ECT2L: variants seen among roughly 807,000 people sequenced by gnomAD.
ECT2L encodes the protein epithelial cell transforming 2 like.
ECT2L carries 126 observed loss-of-function variants against 122.8 expected under a neutral mutation model. The observed-to-expected ratio is 1.03, with a 90% CI of 0.89 to 1.19. ECT2L has a LOEUF of 1.19. Ranked by LOEUF, ECT2L falls within the 50% of genes most tolerant of loss-of-function variation. The pLI is 0.00. For missense variants in ECT2L, 1,012 were observed against 1,064.1 expected, an observed-to-expected ratio of 0.95 and a Z score of 0.68; for synonymous variants, 385 against 381.8, an observed-to-expected ratio of 1.01 and a Z score of -0.10.
At chr6:138,861,402 CTTT>C (rs1477801433) in intron 10 of ECT2L, among the ~76,000 whole-genome samples, 1 of 152,164 alleles carries the variant, frequency 6.6e-6, no homozygotes, top group East Asian at 1.9e-4. Context: ...TGTTTCCTGA[CTTT>C]TTAATAAATC....
At chr6:138,826,249 C>G (rs1776446957) in intron 4 of ECT2L, among the ~76,000 whole-genome samples, 1 of 152,164 alleles carries the variant, frequency 6.6e-6, no homozygotes, top group Non-Finnish European at 1.5e-5. Flanking sequence ...TTCCAAAATC[C>G]TAGTCTGAAT....
chr6:138,864,548 A>G (rs1161177873), intron 11 of ECT2L, among the ~76,000 whole-genome samples: 3 of 152,234 alleles, frequency 2.0e-5, no homozygotes, highest in Non-Finnish European at 4.4e-5. Context: ...TTTAAGAAAG[A>G]TAAGGATTTG....
chr6:138,883,945 C>T (rs1778724249), intron 16 of ECT2L, among the ~76,000 whole-genome samples: 3 of 152,176 alleles, frequency 2.0e-5, no homozygotes, highest in Admixed American at 2.0e-4. Flanking sequence ...TCACTGCAGC[C>T]TCGACTTCCC....
chr6:138,878,857 A>T (rs1251281305), intron 14 of ECT2L: 1 of 152,426 alleles, frequency 6.6e-6, no homozygotes, highest in Non-Finnish European at 1.5e-5. Flanking sequence ...TAATTTTTTT[A>T]AAAATGCTTG....
chr6:138,887,884 G>T (rs577821686), intron 19 of ECT2L, among the ~76,000 whole-genome samples: 1 of 152,282 alleles, frequency 6.6e-6, no homozygotes, highest in South Asian at 2.1e-4. Flanking sequence ...ATTTCCAGCT[G>T]TCAGCGGCTT....
At position 138,882,876 on chromosome 6, in the gene ECT2L, A is replaced by G. The variant is rs2128407955; in HGVS notation, c.2028+5A>G. ...ATTCTGAAAACTATTGAGAAGGTAA[A>G]TGAGTTTCAATTCCATCATTCTATA... On this transcript the variant is annotated splice_donor_5th_base_variant and intron_variant, in intron 16 of 21. Transcript: ENST00000541398. 1.3e-6 allele frequency: 2 copies of G among 1,595,016 alleles called. No individual in the cohort carries two copies. The highest frequency in any genetic ancestry group is 1.3e-5 in the African/African-American group (1 of 74,890).
intron 4 of ECT2L, among the ~76,000 whole-genome samples, chr6:138,819,888 C>T (rs1234483902): frequency 7.1e-6 from 1 of 141,796 alleles, no homozygotes; most frequent in Admixed American, 7.0e-5. Flanking sequence ...CTTCATGTAC[C>T]AAAAAAAAAA....
intron 13 of ECT2L, 123 bp from the exon 14 acceptor site, chr6:138,876,349 G>A (rs1417681829): frequency 1.3e-5 from 8 of 636,154 alleles, no homozygotes; most frequent in East Asian, 5.4e-5. Context: ...CTCATTGTGT[G>A]TAGGGAACAC....
At chr6:138,868,306 G>A in intron 13 of ECT2L, 100 bp downstream of exon 13, 1 of 944,694 alleles carries the variant, frequency 1.1e-6, no homozygotes. Context: ...ATCCCTTTCA[G>A]AGCACAGTTC....
intron 4 of ECT2L, among the ~76,000 whole-genome samples, chr6:138,824,506 T>TATAA (rs1776363917): frequency 7.3e-6 from 1 of 136,416 alleles, no homozygotes; most frequent in South Asian, 2.2e-4. Flanking sequence ...AATTTGTAAG[T>TATAA]AATTTTATAA....
rs1454085074 is a variant in ECT2L at position 138,902,491 on chromosome 6, C to CT, written c.2588-5dup. ...AAGATTAATTAGTATACCTCAAATG[C>CT]TTTTACAGATGTCAAGAATGCATTT... On this transcript the variant is annotated splice_polypyrimidine_tract_variant and intron_variant, in intron 21 of 21. Coordinates refer to ENST00000541398, the MANE Select transcript of ECT2L (RefSeq NM_001077706.3). The CT allele has an allele frequency of 6.2e-7, 1 of 1,610,604 alleles. No individual in the cohort carries two copies. The highest frequency in any genetic ancestry group is 8.5e-7 in the Non-Finnish European group (1 of 1,178,286).
intron 1 of ECT2L, among the ~76,000 whole-genome samples, chr6:138,805,377 A>G (rs1444892730): frequency 1.3e-5 from 2 of 152,254 alleles, no homozygotes; most frequent in South Asian, 2.1e-4. Context: ...TTCAAAGTAC[A>G]TATACCAATT....
At position 138,902,631 on chromosome 6, in the gene ECT2L, C is replaced by T. The variant is rs763970613; in HGVS notation, c.*4C>T. The stretch of plus-strand genomic sequence containing the variant: ...CAAAAGCAGTATGGAGAAGTGAGAC[C>T]GAACTTGAAAACTTCAGGGGTGCCA... On this transcript the variant is annotated 3_prime_UTR_variant, in exon 22 of 22. Coordinates refer to ENST00000541398, the MANE Select transcript of ECT2L (RefSeq NM_001077706.3). 3.7e-6 allele frequency: 6 copies of T among 1,612,962 alleles called. No individual in the cohort carries two copies. Among genetic ancestry groups the T allele is most frequent in the East Asian group, 2.2e-5 (1 of 44,778 alleles).
chr6:138,878,492 G>A (rs1328961993), intron 14 of ECT2L, among the ~76,000 whole-genome samples: 1 of 152,178 alleles, frequency 6.6e-6, no homozygotes, highest in Non-Finnish European at 1.5e-5. Context: ...TGTTGCCCAG[G>A]CTGGAGTGCG....
At chr6:138,882,119 G>A (rs1450702745) in intron 15 of ECT2L, among the ~76,000 whole-genome samples, 1 of 152,192 alleles carries the variant, frequency 6.6e-6, no homozygotes, top group East Asian at 1.9e-4. Flanking sequence ...ATATTTTCAA[G>A]TGCATAACAT....
At chr6:138,812,089 C>A (rs1211366905) in intron 1 of ECT2L, among the ~76,000 whole-genome samples, 1 of 152,112 alleles carries the variant, frequency 6.6e-6, no homozygotes. Context: ...GAAGAAACAC[C>A]AGAGATCTCT....
At chr6:138,863,638 T>C (rs1777918578) in intron 11 of ECT2L, among the ~76,000 whole-genome samples, 1 of 148,848 alleles carries the variant, frequency 6.7e-6, no homozygotes, top group African/African-American at 2.5e-5. Flanking sequence ...TGAGACAGAG[T>C]CTCACACTGT....
chr6:138,868,271 T>C (rs2128401415), intron 13 of ECT2L, 65 bp downstream of exon 13: 1 of 1,446,358 alleles, frequency 6.9e-7, no homozygotes, highest in Middle Eastern at 1.8e-4. Context: ...TGTTTGCAGT[T>C]ATTATTAATT....
intron 4 of ECT2L, among the ~76,000 whole-genome samples, chr6:138,819,301 CT>C (rs200640503): frequency 6.6e-6 from 1 of 150,550 alleles, no homozygotes. Context: ...AGCCAAAGCT[CT>C]TTTTTTTTGT....
Sources: gnomAD v4.1 joint callset for allele counts (sites outside exome capture counted in the v4.1 genomes callset) on GRCh38, gnomAD v4.1.1 for gene constraint, MANE v1.5 for transcripts, NCBI Gene and HGNC (gene_info 2026-07-23, HGNC 2026-07-21) for gene names.